RAB5A: variants seen among roughly 807,000 people sequenced by gnomAD.
RAB5A encodes the protein ras-related protein Rab-5A.
In RAB5A, 8 loss-of-function variants were observed where a neutral mutation model predicts 25.7. That is an observed-to-expected ratio of 0.31 (90% CI 0.18 to 0.56). The LOEUF is 0.56. RAB5A is among the 20% of genes least tolerant of loss of function. The pLI, the probability that RAB5A is intolerant of heterozygous loss-of-function variation, is 0.91. For missense variants in RAB5A, 192 were observed against 259.7 expected (o/e 0.74, Z 1.79); for synonymous variants, 98 against 89.8 (o/e 1.09, Z -0.52).
chr3:19,951,719 T>TTTTTTTTTTA (rs1553638043), intron 2 of RAB5A, among the ~76,000 whole-genome samples: 1 of 147,742 alleles, frequency 6.8e-6, no homozygotes, highest in East Asian at 2.0e-4. Flanking sequence ...TTTTTTTTTT[T>TTTTTTTTTTA]AAGAGTCAGA....
intron 2 of RAB5A, among the ~76,000 whole-genome samples, chr3:19,952,642 T>C (rs1286917952): frequency 6.6e-6 from 1 of 152,218 alleles, no homozygotes; most frequent in Non-Finnish European, 1.5e-5. Context: ...ATGTTTTATG[T>C]TTTTTCTAAT....
In RAB5A at chr3:19,951,206, C is replaced by T. The variant is rs186445429; in HGVS notation, c.163+145C>T. 88 of 873,670 alleles carry T rather than the reference C, an allele frequency of 1.0e-4. No individual in the cohort carries two copies. In the Admixed American group the frequency reaches 2.5e-3, roughly 25 times the overall value. The allele number at this position is 873,670 out of a possible 1,614,324, so 54.1% of individuals were successfully genotyped here. Reference sequence around the variant, plus strand: ...TGTTCAGCTTACCTTAGCTTTAAAACTTGCCTTTATCTTTGTTAAAATGAT... The same window carrying T: ...TGTTCAGCTTACCTTAGCTTTAAAATTTGCCTTTATCTTTGTTAAAATGAT... On this transcript the variant is annotated intron_variant, in intron 2 of 5. Transcript: ENST00000273047.
chr3:19,951,259 A>C, intron 2 of RAB5A, 198 bp downstream of exon 2: 2 of 548,868 alleles, frequency 3.6e-6, no homozygotes, highest in South Asian at 5.9e-5. Context: ...TGTTTGGTTA[A>C]TCCCTTGTGG....
chr3:19,955,017 A>G (rs575161365), intron 2 of RAB5A, among the ~76,000 whole-genome samples: 1 of 152,332 alleles, frequency 6.6e-6, no homozygotes, highest in African/African-American at 2.4e-5. Flanking sequence ...AGGGAGCAGT[A>G]GGCTCAGAGA....
rs1251660766 is a variant in RAB5A at position 19,983,926 on chromosome 3, A to G, written c.*103A>G. ...CCCAGTATGACTTCCAAAAGAAGAG[A>G]CTTATGATAGAGTCAAGTTTCTAAT... is the stretch of plus-strand genomic sequence containing the variant. On this transcript the variant is annotated 3_prime_UTR_variant, in exon 6 of 6. Coordinates refer to ENST00000273047, the MANE Select transcript of RAB5A (RefSeq NM_004162.5). The G allele has an allele frequency of 3.9e-6, 3 of 776,364 alleles. No homozygotes were observed. Among genetic ancestry groups the G allele is most frequent in the Non-Finnish European group, 6.3e-6 (3 of 476,522 alleles). The allele number at this position is 776,364 out of a possible 1,614,324, so 48.1% of individuals were successfully genotyped here. A position where few individuals can be genotyped will look rare whatever the true frequency, so the allele number is the denominator to read the frequency against.
chr3:19,947,389 G>T lies in RAB5A; in HGVS notation c.-226G>T. 1.3e-5 allele frequency: 2 copies of T among 158,642 alleles called. No homozygotes were observed. Among genetic ancestry groups the T allele is most frequent in the South Asian group, 3.4e-4 (2 of 5,954 alleles). 9.8% of individuals were successfully genotyped at this position (158,642 alleles called of 1,614,324 possible). ...AGCCCCGCACAGTCCAGTGTGAGGG[G>T]AGCGGCGCTAAGAGCAGGCGACGCC... On this transcript the variant is annotated 5_prime_UTR_variant, in exon 1 of 6. Transcript: ENST00000273047.
chr3:19,965,743 C>CT (rs1000881023), intron 2 of RAB5A, among the ~76,000 whole-genome samples: 2 of 151,774 alleles, frequency 1.3e-5, no homozygotes, highest in Admixed American at 1.3e-4. Flanking sequence ...TCCTTCCTTC[C>CT]TTTATTTTTT....
At position 19,978,471 on chromosome 3, in the gene RAB5A, C is replaced by T. The variant is rs982703886; in HGVS notation, c.532+68C>T. 5.6e-6 allele frequency: 7 copies of T among 1,254,176 alleles called. No homozygotes were observed. The African/African-American group carries it at 6.0e-5, about 11-fold the overall frequency. The allele number at this position is 1,254,176 out of a possible 1,614,324, so 77.7% of individuals were successfully genotyped here. On this transcript the variant is annotated intron_variant, in intron 5 of 5. Coordinates refer to ENST00000273047, the MANE Select transcript of RAB5A (RefSeq NM_004162.5). ...CAAGTGTGAAGCATATTTGGTTTGA[C>T]TGTCTCTTTTTTAAAAAATTTTTGG... is the stretch of plus-strand genomic sequence containing the variant.
chr3:19,962,227 CTG>C (rs1324733463), intron 2 of RAB5A, among the ~76,000 whole-genome samples: 1 of 152,156 alleles, frequency 6.6e-6, no homozygotes, highest in Non-Finnish European at 1.5e-5. Context: ...CAACATCACA[CTG>C]TAAGAAGAAT....
At chr3:19,981,462 A>G (rs1002393996) in intron 5 of RAB5A, among the ~76,000 whole-genome samples, 19 of 151,966 alleles carry the variant, frequency 1.3e-4, no homozygotes, top group African/African-American at 4.4e-4. Context: ...AAAAATAGAA[A>G]AATTAGCTGG....
intron 5 of RAB5A, among the ~76,000 whole-genome samples, chr3:19,979,680 G>A (rs904022818): frequency 1.3e-5 from 2 of 152,010 alleles, no homozygotes; most frequent in Admixed American, 6.6e-5. Context: ...CAAAAATAAA[G>A]GTTGGTTTTG....
At chr3:19,955,778 C>G (rs2125180160) in intron 2 of RAB5A, among the ~76,000 whole-genome samples, 1 of 152,168 alleles carries the variant, frequency 6.6e-6, no homozygotes. Flanking sequence ...GTAGTCCCAG[C>G]TACTTGGGAG....
At chr3:19,949,737 G>C (rs1032035001) in intron 1 of RAB5A, among the ~76,000 whole-genome samples, 2 of 152,150 alleles carry the variant, frequency 1.3e-5, no homozygotes, top group African/African-American at 4.8e-5. Context: ...TTAATGTGTT[G>C]TTTAAATAAA....
chr3:19,963,777 T>G (rs1431521616), intron 2 of RAB5A, among the ~76,000 whole-genome samples: 1 of 151,968 alleles, frequency 6.6e-6, no homozygotes, highest in African/African-American at 2.4e-5. Context: ...CCCAAGTAGA[T>G]GGTACTACGT....
At chr3:19,954,509 A>G (rs771553234) in intron 2 of RAB5A, among the ~76,000 whole-genome samples, 1 of 152,150 alleles carries the variant, frequency 6.6e-6, no homozygotes, top group Non-Finnish European at 1.5e-5. Context: ...TCCTAAATAC[A>G]ATAACTTGAT....
intron 2 of RAB5A, among the ~76,000 whole-genome samples, chr3:19,955,622 G>A (rs545340893): frequency 2.6e-5 from 4 of 152,172 alleles, no homozygotes; most frequent in South Asian, 2.1e-4. Flanking sequence ...GACTGGGCGC[G>A]GTAGCTCATA....
intron 5 of RAB5A, among the ~76,000 whole-genome samples, chr3:19,983,243 CGAGAATCACTTGAACCCAG>C (rs1269102993): frequency 6.8e-6 from 1 of 147,664 alleles, no homozygotes; most frequent in Non-Finnish European, 1.5e-5. Context: ...GGCCAAGGCA[CGAGAATCACTTGAACCCAG>C]GAGGTGGAGG....
intron 2 of RAB5A, among the ~76,000 whole-genome samples, chr3:19,970,343 A>G (rs1328861472): frequency 6.6e-6 from 1 of 152,190 alleles, no homozygotes; most frequent in Admixed American, 6.5e-5. Context: ...TGCAGATTTG[A>G]CATTTAAAGC....
chr3:19,966,326 T>C (rs965425658), intron 2 of RAB5A, among the ~76,000 whole-genome samples: 21 of 152,252 alleles, frequency 1.4e-4, no homozygotes, highest in Non-Finnish European at 2.6e-4. Flanking sequence ...TTTAGCATAA[T>C]GTCCTCAACG....
Sources: allele counts gnomAD v4.1 joint callset (sites outside exome capture counted in the v4.1 genomes callset), GRCh38; gene constraint gnomAD v4.1.1; transcripts MANE v1.5; gene names NCBI Gene and HGNC (gene_info 2026-07-23, HGNC 2026-07-21).